AUTS2: variants seen among roughly 807,000 people sequenced by gnomAD.
AUTS2 encodes the protein autism susceptibility gene 2 protein.
AUTS2 carries 17 observed loss-of-function variants against 112.4 expected under a neutral mutation model. The observed-to-expected ratio is 0.15, with a 90% CI of 0.10 to 0.23. The LOEUF is 0.23. AUTS2 is among the 10% of genes least tolerant of loss of function. The pLI is 1.00. For missense variants in AUTS2, 1,510 were observed against 1,701.6 expected (o/e 0.89, Z 1.98); for synonymous variants, 751 against 702.7 (o/e 1.07, Z -1.09).
intron 2 of AUTS2, among the ~76,000 whole-genome samples, chr7:70,059,793 AC>A (rs1802159704): frequency 6.6e-6 from 1 of 152,046 alleles, no homozygotes; most frequent in Non-Finnish European, 1.5e-5. Flanking sequence ...GGCCATAGGA[AC>A]CCATGGCAGA....
At chr7:69,878,758 A>C (rs2129537176) in intron 1 of AUTS2, among the ~76,000 whole-genome samples, 1 of 152,334 alleles carries the variant, frequency 6.6e-6, no homozygotes, top group East Asian at 1.9e-4. Flanking sequence ...ATTATGTATT[A>C]GCCACGATAC....
intron 2 of AUTS2, among the ~76,000 whole-genome samples, chr7:69,918,779 A>G (rs17459369): frequency 0.087 from 13,186 of 152,248 alleles, 657 homozygotes; most frequent in East Asian, 0.13. Context: ...AATCATAATG[A>G]TTGTAGGAAA....
chr7:70,530,801 T>C (rs1215277673), intron 5 of AUTS2, among the ~76,000 whole-genome samples: 1 of 152,180 alleles, frequency 6.6e-6, no homozygotes, highest in Non-Finnish European at 1.5e-5. Context: ...TCTCTCCTGC[T>C]TTCCTCTCCT....
intron 1 of AUTS2, among the ~76,000 whole-genome samples, chr7:69,647,138 A>ATT (rs910872551): frequency 6.6e-6 from 1 of 150,700 alleles, no homozygotes; most frequent in Non-Finnish European, 1.5e-5. Context: ...CTTGTGCCTC[A>ATT]TTTTTTTTTC....
chr7:70,406,730 A>G (rs1036461338), intron 4 of AUTS2, among the ~76,000 whole-genome samples: 2 of 152,162 alleles, frequency 1.3e-5, no homozygotes, highest in African/African-American at 2.4e-5. Flanking sequence ...AGTGACATCA[A>G]TTCGTCTTCT....
chr7:70,268,389 T>C (rs973655313), intron 4 of AUTS2, among the ~76,000 whole-genome samples: 6 of 152,226 alleles, frequency 3.9e-5, no homozygotes, highest in Non-Finnish European at 7.3e-5. Context: ...ATTTACTCTT[T>C]CTTATGTAAG....
At chr7:69,757,003 C>G (rs1245896608) in intron 1 of AUTS2, among the ~76,000 whole-genome samples, 1 of 152,190 alleles carries the variant, frequency 6.6e-6, no homozygotes, top group Admixed American at 6.6e-5. Context: ...CCACAGCACT[C>G]TGCAGCTTGT....
chr7:70,652,917 T>C (rs1451303393), intron 5 of AUTS2, among the ~76,000 whole-genome samples: 1 of 152,044 alleles, frequency 6.6e-6, no homozygotes, highest in Non-Finnish European at 1.5e-5. Flanking sequence ...CCTGATATCG[T>C]TTATATGACA....
intron 2 of AUTS2, among the ~76,000 whole-genome samples, chr7:70,057,133 T>A (rs1292918187): frequency 2.0e-5 from 3 of 152,188 alleles, no homozygotes; most frequent in Non-Finnish European, 4.4e-5. Context: ...TTGAATCGCA[T>A]ACAAAGCAGG....
chr7:70,190,711 T>G (rs1043643996), intron 4 of AUTS2, among the ~76,000 whole-genome samples: 2 of 152,222 alleles, frequency 1.3e-5, no homozygotes, highest in African/African-American at 4.8e-5. Context: ...TACTGATGTT[T>G]CAATTCTGTT....
chr7:69,853,190 T>A (rs1228305909), intron 1 of AUTS2, among the ~76,000 whole-genome samples: 1 of 152,198 alleles, frequency 6.6e-6, no homozygotes, highest in African/African-American at 2.4e-5. Context: ...CATTTGCTGA[T>A]TTTCTGTCTA....
chr7:70,780,437 G>A (rs1429048060), intron 14 of AUTS2, among the ~76,000 whole-genome samples: 2 of 149,416 alleles, frequency 1.3e-5, no homozygotes, highest in African/African-American at 4.9e-5. Flanking sequence ...TTTTTTTGGA[G>A]ACAGCCTCGG....
intron 4 of AUTS2, among the ~76,000 whole-genome samples, chr7:70,363,607 G>A (rs748420511): frequency 8.6e-5 from 13 of 151,716 alleles, no homozygotes; most frequent in Non-Finnish European, 1.8e-4. Context: ...CTGGTTTGCT[G>A]TTTATTTTTA....
intron 4 of AUTS2, among the ~76,000 whole-genome samples, chr7:70,336,342 C>T (rs1190820256): frequency 1.3e-5 from 2 of 152,192 alleles, no homozygotes; most frequent in Non-Finnish European, 2.9e-5. Context: ...GCATTTCTCT[C>T]TGTAGTTCAT....
chr7:69,627,969 G>C (rs907312419), intron 1 of AUTS2, among the ~76,000 whole-genome samples: 1 of 152,192 alleles, frequency 6.6e-6, no homozygotes, highest in African/African-American at 2.4e-5. Flanking sequence ...GAACTTCTTA[G>C]GGGAGATTGC....
At chr7:69,890,199 TCAATTA>T (rs1384615175) in intron 1 of AUTS2, among the ~76,000 whole-genome samples, 2 of 152,180 alleles carry the variant, frequency 1.3e-5, no homozygotes, top group African/African-American at 4.8e-5. Context: ...CAGCCAACTC[TCAATTA>T]TCTGTGGGAA....
At chr7:69,869,440 A>G (rs1793382951) in intron 1 of AUTS2, among the ~76,000 whole-genome samples, 1 of 151,984 alleles carries the variant, frequency 6.6e-6, no homozygotes, top group African/African-American at 2.4e-5. Flanking sequence ...AATATTTTAT[A>G]TCACATAAAT....
intron 1 of AUTS2, among the ~76,000 whole-genome samples, chr7:69,807,661 G>A (rs573852140): frequency 1.3e-5 from 2 of 152,248 alleles, no homozygotes; most frequent in South Asian, 4.2e-4. Context: ...ACCTGCAGCC[G>A]AAATGTTATC....
chr7:69,831,216 T>C (rs1364890687), intron 1 of AUTS2, among the ~76,000 whole-genome samples: 1 of 152,220 alleles, frequency 6.6e-6, no homozygotes, highest in Non-Finnish European at 1.5e-5. Context: ...AGTCTGTTCA[T>C]TGTGCTATTT....
Sources: gnomAD v4.1 joint callset for allele counts (sites outside exome capture counted in the v4.1 genomes callset) on GRCh38, gnomAD v4.1.1 for gene constraint, MANE v1.5 for transcripts, NCBI Gene and HGNC (gene_info 2026-07-23, HGNC 2026-07-21) for gene names.